Variants in ASMTL observed in about 807,000 individuals in gnomAD.
The protein encoded by ASMTL is probable bifunctional dTTP/UTP pyrophosphatase/methyltransferase protein.
Under a neutral mutation model 60.3 loss-of-function variants are expected in ASMTL, and 57 were observed. The ratio of observed to expected loss-of-function variants is 0.95; its 90% CI spans 0.76 to 1.18. The LOEUF is 1.18. Ranked by LOEUF, ASMTL falls within the 50% of genes most tolerant of loss-of-function variation. The pLI is 0.00. For synonymous variants in ASMTL, 419 were observed against 373.0 expected (o/e 1.12, Z -1.42); for missense variants, 981 against 852.6 (o/e 1.15, Z -1.88).
At chrX:1,410,659 GC>G (rs2089976250) in intron 12 of ASMTL, among the ~76,000 whole-genome samples, 1 of 151,930 alleles carries the variant, frequency 6.6e-6, no homozygotes, top group African/African-American at 2.4e-5. Flanking sequence ...AGATCTGCCC[GC>G]TTTGGCCTCC....
intron 6 of ASMTL, 121 bp downstream of exon 6, chrX:1,432,148 G>A (rs1303424159): frequency 3.2e-5 from 25 of 786,898 alleles, no homozygotes; most frequent in Non-Finnish European, 5.2e-5. Context: ...CTCTCCCTGT[G>A]CCACACGGCC....
At position 1,425,564 on chromosome X, in the gene ASMTL, T is replaced by C; in HGVS notation, c.1021A>G (p.Ile341Val). 1.2e-6 allele frequency: 2 copies of C among 1,613,508 alleles called. No homozygotes were observed. The highest frequency in any genetic ancestry group is 1.7e-6 in the Non-Finnish European group (2 of 1,179,802). The part of the protein sequence containing the change: ...SACGMERLLD[I>V]CAAMGLLEKT... Reference sequence around the variant, plus strand: ...TCCAGGAGCCCCATGGCAGCACAGATGTCCAGAAGCCTCTCCATTCCACAC... The same window carrying C: ...TCCAGGAGCCCCATGGCAGCACAGACGTCCAGAAGCCTCTCCATTCCACAC... Residue 341 changes from isoleucine (I) to valine (V), a missense_variant, in exon 8 of 13, where the codon ATC becomes GTC. Ile to Val is a conservative substitution (Grantham distance 29). Coordinates refer to ENST00000381317, the MANE Select transcript of ASMTL (RefSeq NM_004192.4).
chrX:1,436,604 G>A (rs1317325099), intron 3 of ASMTL, among the ~76,000 whole-genome samples: 34 of 152,084 alleles, frequency 2.2e-4, no homozygotes, highest in East Asian at 5.8e-4. Flanking sequence ...CACCCGCCTC[G>A]GCCTCCCAAA....
In ASMTL at chrX:1,447,017, C is replaced by T. The variant is rs139288393; in HGVS notation, c.94-4700G>A. ...TTTCTTTTTCTCCAATTTTTCCTAA[C>T]TGAAAACCTCTGAAACCCAAGTTCT... On this transcript the variant is annotated intron_variant, in intron 1 of 12. Coordinates refer to ENST00000381317, the MANE Select transcript of ASMTL (RefSeq NM_004192.4). Among the ~76,000 whole-genome samples, 300 of 152,306 alleles carry T rather than the reference C, an allele frequency of 2.0e-3. 1 individual carries two copies. The highest frequency in any genetic ancestry group is 0.01 in the Middle Eastern group (3 of 294).
At chrX:1,411,517 G>C (rs1165984964) in intron 12 of ASMTL, among the ~76,000 whole-genome samples, 20 of 150,492 alleles carry the variant, frequency 1.3e-4, no homozygotes, top group Non-Finnish European at 2.4e-4. Context: ...TCCAGGAGCA[G>C]CCTGGGTGGA....
chrX:1,430,989 C>T (rs1189387138), intron 6 of ASMTL, among the ~76,000 whole-genome samples: 1 of 135,488 alleles, frequency 7.4e-6, no homozygotes, highest in Non-Finnish European at 1.5e-5. Flanking sequence ...CATATAATCA[C>T]ACTTTATATT....
chrX:1,403,886 A>G (rs2149251759), intron 12 of ASMTL, among the ~76,000 whole-genome samples: 1 of 152,044 alleles, frequency 6.6e-6, no homozygotes, highest in South Asian at 2.1e-4. Context: ...ATGGATGGAT[A>G]GATGGATGCA....
intron 2 of ASMTL, among the ~76,000 whole-genome samples, chrX:1,441,402 G>T (rs1340154196): frequency 6.6e-6 from 1 of 152,056 alleles, no homozygotes; most frequent in Non-Finnish European, 1.5e-5. Flanking sequence ...TCAGCCTCCT[G>T]AGTAGCTGGG....
At chrX:1,411,971 C>T (rs1378404787) in intron 12 of ASMTL, among the ~76,000 whole-genome samples, 9 of 151,776 alleles carry the variant, frequency 5.9e-5, no homozygotes, top group African/African-American at 2.2e-4. Context: ...GCTATCAAGC[C>T]CGGCTTATTT....
In ASMTL at chrX:1,432,695, A is replaced by G. The variant is rs867007068; in HGVS notation, c.401-318T>C. Among the ~76,000 whole-genome samples the G allele has an allele frequency of 4.4e-3, 379 of 85,768 alleles. 4 individuals carry two copies. The highest frequency in any genetic ancestry group is 0.017 in the African/African-American group (363 of 21,616). 56.3% of individuals were successfully genotyped at this position (85,768 alleles called of 152,430 possible). On this transcript the variant is annotated intron_variant, in intron 5 of 12. Transcript: ENST00000381317. ...ATACAAAAAATTAGCCAGGCCTGGT[A>G]GTAGGTGCCTGTAGTCCCAGCTACT...
chrX:1,410,377 G>T (rs1404856731), intron 12 of ASMTL, among the ~76,000 whole-genome samples: 3 of 152,172 alleles, frequency 2.0e-5, no homozygotes, highest in Non-Finnish European at 2.9e-5. Context: ...CTGCACTCCA[G>T]CCTGGGTGAC....
At chrX:1,413,454 G>A (rs2090114420) in intron 11 of ASMTL, among the ~76,000 whole-genome samples, 1 of 152,246 alleles carries the variant, frequency 6.6e-6, no homozygotes, top group African/African-American at 2.4e-5. Context: ...CGCACTGCCG[G>A]TGAGTGGGCA....
intron 12 of ASMTL, among the ~76,000 whole-genome samples, chrX:1,406,766 A>G (rs2089865818): frequency 6.6e-6 from 1 of 151,700 alleles, no homozygotes; most frequent in Admixed American, 6.6e-5. Flanking sequence ...AGGTAGATGA[A>G]TGGATAGATA....
chrX:1,433,279 C>T (rs186116539), intron 5 of ASMTL, among the ~76,000 whole-genome samples: 2 of 151,928 alleles, frequency 1.3e-5, no homozygotes, highest in East Asian at 1.9e-4. Flanking sequence ...TTGGAAAGGG[C>T]AGGCTTTGGT....
At chrX:1,420,801 T>G (rs765218291) in intron 9 of ASMTL, among the ~76,000 whole-genome samples, 1 of 152,238 alleles carries the variant, frequency 6.6e-6, no homozygotes, top group Admixed American at 6.5e-5. Flanking sequence ...CTCCTTCCTA[T>G]TTCTATTTTT....
intron 12 of ASMTL, among the ~76,000 whole-genome samples, chrX:1,406,610 A>G (rs1428642828): frequency 1.3e-5 from 2 of 150,012 alleles, no homozygotes; most frequent in Non-Finnish European, 3.0e-5. Flanking sequence ...ATAGATAGGT[A>G]GGTAGGTAGA....
At chrX:1,423,261 G>A (rs1210213055) in intron 8 of ASMTL, among the ~76,000 whole-genome samples, 5 of 152,032 alleles carry the variant, frequency 3.3e-5, no homozygotes, top group Non-Finnish European at 1.5e-5. Flanking sequence ...TTTCAATACG[G>A]GAGAATGGTC....
At chrX:1,430,923 TTATA>T (rs1185337929) in intron 6 of ASMTL, among the ~76,000 whole-genome samples, 2 of 136,330 alleles carry the variant, frequency 1.5e-5, no homozygotes, top group African/African-American at 6.1e-5. Flanking sequence ...ACATAATACA[TTATA>T]TATTATATAT....
intron 12 of ASMTL, among the ~76,000 whole-genome samples, chrX:1,407,613 G>T (rs1251153781): frequency 6.6e-6 from 1 of 152,116 alleles, no homozygotes; most frequent in Non-Finnish European, 1.5e-5. Context: ...GCCAGACGCA[G>T]TGGCTCACAC....
Sources: allele counts gnomAD v4.1 joint callset (sites outside exome capture counted in the v4.1 genomes callset), GRCh38; gene constraint gnomAD v4.1.1; transcripts MANE v1.5; gene names NCBI Gene and HGNC (gene_info 2026-07-23, HGNC 2026-07-21).